CLTCL1: variants seen among roughly 807,000 people sequenced by gnomAD.
CLTCL1 encodes clathrin heavy chain like 1.
Under a neutral mutation model 190.0 loss-of-function variants are expected in CLTCL1, and 159 were observed. The ratio of observed to expected loss-of-function variants is 0.84; its 90% confidence interval spans 0.74 to 0.95. CLTCL1 has a LOEUF of 0.95. Among genes scored for constraint, CLTCL1 ranks in the 40% least tolerant of loss-of-function variants. The probability of loss-of-function intolerance (pLI) is 0.00; values close to 1 mark genes in which losing one functional copy is unlikely to be tolerated. For missense variants in CLTCL1, 1,878 were observed against 2,033.4 expected, an observed-to-expected ratio of 0.92 and a Z score of 1.47; for synonymous variants, 752 against 769.6, an observed-to-expected ratio of 0.98 and a Z score of 0.38.
chr22:19,242,368 C>A (rs920994648), intron 4 of CLTCL1, among the ~76,000 whole-genome samples: 7 of 151,978 alleles, frequency 4.6e-5, no homozygotes, highest in Non-Finnish European at 8.8e-5. Context: ...CGACTCACTG[C>A]AACCTCTGCC....
chr22:19,179,890 T>G lies in CLTCL1; in HGVS notation c.*100A>C. The G allele has an allele frequency of 2.4e-6, 1 of 422,348 alleles. No homozygotes were observed. The highest frequency in any genetic ancestry group is 3.2e-5 in the South Asian group (1 of 31,514). The allele number at this position is 422,348 out of a possible 1,614,324, so 26.2% of individuals were successfully genotyped here. ...GACAACGCCCACTACACGCGGAAGTTGTACATTGGAGGCTGGCGAAGTTGG... is the reference window on the plus strand; with the variant it reads ...GACAACGCCCACTACACGCGGAAGTGGTACATTGGAGGCTGGCGAAGTTGG... On this transcript the variant is annotated 3_prime_UTR_variant, in exon 33 of 33. Coordinates refer to ENST00000427926, the MANE Select transcript of CLTCL1 (RefSeq NM_007098.4).
At chr22:19,237,446 T>C (rs908777958) in intron 5 of CLTCL1, among the ~76,000 whole-genome samples, 6 of 152,178 alleles carry the variant, frequency 3.9e-5, no homozygotes, top group African/African-American at 1.4e-4. Flanking sequence ...CATGGGATGC[T>C]GTCCAGCTAC....
At chr22:19,231,379 A>G (rs533453546) in intron 10 of CLTCL1, among the ~76,000 whole-genome samples, 276 of 152,320 alleles carry the variant, frequency 1.8e-3, no homozygotes, top group Non-Finnish European at 2.9e-3. Context: ...GTGCACCACC[A>G]TGCCTGGCTA....
Position 19,291,656 on chromosome 22 carries a change from CT to C in CLTCL1, c.-16del. On this transcript the variant is annotated 5_prime_UTR_variant, in exon 1 of 33. Transcript: ENST00000427926. ...ATCTGCGCCATGGCTGGTGCGGGAC[CT>C]CGGCGGCGGCGGCGGCAGCGGCAGG... The C allele has an allele frequency of 7.3e-7, 1 of 1,374,530 alleles. No homozygotes were observed. Among genetic ancestry groups the C allele is most frequent in the Non-Finnish European group, 9.5e-7 (1 of 1,051,224 alleles). The allele number at this position is 1,374,530 out of a possible 1,614,324, so 85.1% of individuals were successfully genotyped here.
At chr22:19,194,437 G>A (rs370691696) in intron 26 of CLTCL1, among the ~76,000 whole-genome samples, 33 of 152,174 alleles carry the variant, frequency 2.2e-4, no homozygotes, top group Non-Finnish European at 3.2e-4. Context: ...AGCCAAGATC[G>A]CGCCACTGCA....
intron 18 of CLTCL1, 40 bp from the exon 19 acceptor site, chr22:19,216,296 A>C: frequency 1.3e-6 from 2 of 1,599,562 alleles, no homozygotes; most frequent in Non-Finnish European, 1.7e-6. Context: ...GATTAAAGTC[A>C]ATTCAAGACT....
intron 5 of CLTCL1, among the ~76,000 whole-genome samples, 177 bp from the exon 6 acceptor site, chr22:19,236,046 G>A (rs1555961985): frequency 6.6e-6 from 1 of 152,072 alleles, no homozygotes; most frequent in African/African-American, 2.4e-5. Context: ...TGCAACTTCC[G>A]ACCTCTGGGC....
At chr22:19,249,174 C>T (rs1056477266) in intron 3 of CLTCL1, among the ~76,000 whole-genome samples, 13 of 152,232 alleles carry the variant, frequency 8.5e-5, no homozygotes, top group African/African-American at 2.9e-4. Context: ...TCCTGGCTAA[C>T]ATGGTGAAAC....
chr22:19,244,943 G>A (rs807465), intron 3 of CLTCL1, among the ~76,000 whole-genome samples: 8,977 of 152,142 alleles, frequency 0.059, 332 homozygotes, highest in Middle Eastern at 0.16. Context: ...AAGAGTTTCC[G>A]GCAAGTACAC....
At chr22:19,183,249 C>T in intron 30 of CLTCL1, 141 bp downstream of exon 30, 1 of 682,276 alleles carries the variant, frequency 1.5e-6, no homozygotes, top group Non-Finnish European at 2.5e-6. Context: ...AAAGCAGCCA[C>T]TCCTGAAGGC....
At chr22:19,222,362 T>C (rs1289498362) in intron 15 of CLTCL1, among the ~76,000 whole-genome samples, 1 of 151,938 alleles carries the variant, frequency 6.6e-6, no homozygotes, top group South Asian at 2.1e-4. Flanking sequence ...ACACCAGGAG[T>C]GCACATGCAC....
chr22:19,249,935 G>C (rs782361583), intron 3 of CLTCL1: 13 of 435,272 alleles, frequency 3.0e-5, no homozygotes, highest in Non-Finnish European at 6.0e-5. Flanking sequence ...AAGGTTTTTC[G>C]TGGCATATTA....
At chr22:19,283,384 G>A (rs944074495) in intron 1 of CLTCL1, among the ~76,000 whole-genome samples, 2 of 151,952 alleles carry the variant, frequency 1.3e-5, no homozygotes, top group South Asian at 2.1e-4. Flanking sequence ...ACACTCAACC[G>A]ATTCTCATGC....
At chr22:19,197,814 T>C (rs1397669598) in intron 24 of CLTCL1, among the ~76,000 whole-genome samples, 1 of 152,108 alleles carries the variant, frequency 6.6e-6, no homozygotes, top group African/African-American at 2.4e-5. Flanking sequence ...TTCTTCCCAC[T>C]GTACTGGCTG....
chr22:19,203,479 A>G (rs1569165238), intron 22 of CLTCL1, among the ~76,000 whole-genome samples: 2 of 152,032 alleles, frequency 1.3e-5, no homozygotes, highest in Non-Finnish European at 2.9e-5. Context: ...ATCCACTCCA[A>G]TCAGGCTTCT....
intron 17 of CLTCL1, 139 bp from the exon 18 acceptor site, chr22:19,220,146 G>T: frequency 9.8e-7 from 1 of 1,022,476 alleles, no homozygotes; most frequent in South Asian, 1.4e-5. Flanking sequence ...GCTATGCTTT[G>T]ACATGGGATG....
intron 2 of CLTCL1, chr22:19,258,082 G>C: frequency 4.6e-6 from 2 of 434,520 alleles, no homozygotes. Context: ...GGCTCTGCAA[G>C]GTCACTGATG....
In CLTCL1 at chr22:19,234,585, A is replaced by G. The variant is rs376592596; in HGVS notation, c.1091T>C (p.Phe364Ser). ...RSNLAGAEKL[F>S]VRKFNTLFAQ... ...AAAGAGGGTATTGAATTTTCTCACA[A>G]ACAACTTCTCTGCCCCAGCCAGGTT... Residue 364 changes from phenylalanine to serine, a missense_variant, in exon 7 of 33, where the codon TTT (phenylalanine) becomes TCT (serine). Transcript: ENST00000427926. 14 of 1,613,862 alleles carry G rather than the reference A, an allele frequency of 8.7e-6. No individual in the cohort carries two copies. The highest frequency in any genetic ancestry group is 1.1e-5 in the South Asian group (1 of 91,078).
At chr22:19,194,205 A>C (rs1555934171) in intron 26 of CLTCL1, among the ~76,000 whole-genome samples, 1 of 152,144 alleles carries the variant, frequency 6.6e-6, no homozygotes, top group African/African-American at 2.4e-5. Context: ...TGGACACAAA[A>C]TTTCTCCAAG....
Sources: gnomAD v4.1 joint callset for allele counts (sites outside exome capture counted in the v4.1 genomes callset) on GRCh38, gnomAD v4.1.1 for gene constraint, MANE v1.5 for transcripts, NCBI Gene and HGNC (gene_info 2026-07-23, HGNC 2026-07-21) for gene names.